The following CTNND2 variants were observed in gnomAD, a reference collection of about 807,000 sequenced individuals.
CTNND2 encodes catenin delta-2.
Under a neutral mutation model 144.4 loss-of-function variants are expected in CTNND2, and 22 were observed. The observed-to-expected ratio is 0.15, with a 90% confidence interval of 0.11 to 0.22. CTNND2 has a LOEUF of 0.22. Ranked by LOEUF, CTNND2 falls within the 10% of genes least tolerant of loss-of-function variation. The pLI, the probability that CTNND2 is intolerant of heterozygous loss-of-function variation, is 1.00. For synonymous variants in CTNND2, 751 were observed against 695.6 expected (o/e 1.08, Z -1.25); for missense variants, 1,353 against 1,618.8 (o/e 0.84, Z 2.82).
intron 1 of CTNND2, among the ~76,000 whole-genome samples, chr5:11,817,415 GAGAGAGAGAGAGAGA>G (rs1793033010): frequency 1.9e-3 from 1 of 532 alleles, no homozygotes; most frequent in African/African-American, 4.0e-3. Context: ...AGGAGGGAGA[GAGAGAGAGAGAGAGA>G]GAGAGAGAGA....
intron 2 of CTNND2, among the ~76,000 whole-genome samples, chr5:11,601,805 G>A (rs1779811135): frequency 1.3e-5 from 2 of 152,096 alleles, no homozygotes; most frequent in South Asian, 4.1e-4. Flanking sequence ...TATTTGGGAA[G>A]TTAAATTACC....
At chr5:11,081,072 T>TCACACACACACACA (rs55951127) in intron 16 of CTNND2, among the ~76,000 whole-genome samples, 4 of 144,980 alleles carry the variant, frequency 2.8e-5, no homozygotes, top group South Asian at 2.3e-4. Context: ...TGAGACCCTG[T>TCACACACACACACA]CACACACACA....
chr5:11,612,703 C>T (rs114716565), intron 2 of CTNND2, among the ~76,000 whole-genome samples: 1,970 of 151,956 alleles, frequency 0.013, 22 homozygotes, highest in Non-Finnish European at 0.02. Context: ...AGTTTGAGAC[C>T]GGCCTGGGCA....
intron 2 of CTNND2, among the ~76,000 whole-genome samples, chr5:11,587,494 G>A (rs1445874455): frequency 6.6e-6 from 1 of 151,832 alleles, no homozygotes; most frequent in Non-Finnish European, 1.5e-5. Context: ...CCATGGGTAG[G>A]CAATTAACAT....
intron 1 of CTNND2, among the ~76,000 whole-genome samples, chr5:11,778,939 T>C (rs1790398121): frequency 6.6e-6 from 1 of 152,262 alleles, no homozygotes; most frequent in Non-Finnish European, 1.5e-5. Flanking sequence ...TAAAAGTTTC[T>C]TTTAAAAATC....
chr5:11,308,576 T>C (rs780075784), intron 9 of CTNND2, among the ~76,000 whole-genome samples: 3 of 152,236 alleles, frequency 2.0e-5, no homozygotes, highest in African/African-American at 7.2e-5. Context: ...AATCACAAAC[T>C]CAAAATTAGT....
chr5:11,482,048 G>A (rs546578911), intron 3 of CTNND2, among the ~76,000 whole-genome samples: 33 of 152,262 alleles, frequency 2.2e-4, no homozygotes, highest in African/African-American at 6.7e-4. Flanking sequence ...TTAGGTCCAC[G>A]CCTTTGTACC....
chr5:11,535,444 AT>A (rs1197206167), intron 3 of CTNND2, among the ~76,000 whole-genome samples: 1 of 152,006 alleles, frequency 6.6e-6, no homozygotes, highest in Non-Finnish European at 1.5e-5. Context: ...TCCGTATATA[AT>A]TTTTTCCTAT....
At chr5:11,582,208 G>A (rs1778491945) in intron 2 of CTNND2, among the ~76,000 whole-genome samples, 1 of 152,206 alleles carries the variant, frequency 6.6e-6, no homozygotes, top group African/African-American at 2.4e-5. Context: ...AGGGATCATA[G>A]AATTGAAGCT....
At chr5:11,002,330 C>T (rs190336721) in intron 18 of CTNND2, among the ~76,000 whole-genome samples, 4 of 152,186 alleles carry the variant, frequency 2.6e-5, no homozygotes, top group African/African-American at 7.2e-5. Flanking sequence ...ATGAGAATGA[C>T]CCATGTGTTC....
chr5:11,420,382 C>A (rs747712122), intron 3 of CTNND2, among the ~76,000 whole-genome samples: 1 of 152,118 alleles, frequency 6.6e-6, no homozygotes, highest in Non-Finnish European at 1.5e-5. Flanking sequence ...GGAACAAAGA[C>A]CTTTATATTG....
chr5:11,883,311 C>T (rs1479046750), intron 1 of CTNND2, among the ~76,000 whole-genome samples: 1 of 152,092 alleles, frequency 6.6e-6, no homozygotes, highest in Non-Finnish European at 1.5e-5. Flanking sequence ...AGGTATTTCT[C>T]CTAATGCTAT....
chr5:11,228,341 C>G (rs997074564), intron 10 of CTNND2, among the ~76,000 whole-genome samples: 1 of 109,676 alleles, frequency 9.1e-6, no homozygotes, highest in Non-Finnish European at 1.7e-5. Flanking sequence ...GAGACTCTGT[C>G]TCTCTCTCTC....
chr5:11,139,551 A>G (rs2149732073), intron 12 of CTNND2, among the ~76,000 whole-genome samples: 1 of 152,316 alleles, frequency 6.6e-6, no homozygotes, highest in Non-Finnish European at 1.5e-5. Context: ...GAAAGGGAGA[A>G]AGAAAAACAA....
chr5:11,667,707 C>A (rs1783649960), intron 2 of CTNND2, among the ~76,000 whole-genome samples: 1 of 152,150 alleles, frequency 6.6e-6, no homozygotes, highest in South Asian at 2.1e-4. Context: ...TTCTCCCATT[C>A]TGTAGATTGT....
At chr5:11,854,308 C>G (rs573713119) in intron 1 of CTNND2, among the ~76,000 whole-genome samples, 5 of 152,308 alleles carry the variant, frequency 3.3e-5, no homozygotes, top group South Asian at 4.1e-4. Context: ...CACCATTTCT[C>G]CACTTTTATT....
intron 1 of CTNND2, among the ~76,000 whole-genome samples, chr5:11,843,953 A>G (rs1171938815): frequency 1.3e-5 from 2 of 152,204 alleles, no homozygotes; most frequent in African/African-American, 4.8e-5. Flanking sequence ...AAATATCAGT[A>G]GCCCAAAGTG....
intron 1 of CTNND2, among the ~76,000 whole-genome samples, chr5:11,774,755 C>A (rs184025372): frequency 6.6e-6 from 1 of 151,918 alleles, no homozygotes; most frequent in Non-Finnish European, 1.5e-5. Flanking sequence ...TTTATTAGTA[C>A]GATTTTCTTC....
chr5:11,552,616 T>C (rs994431278), intron 3 of CTNND2, among the ~76,000 whole-genome samples: 76 of 152,302 alleles, frequency 5.0e-4, no homozygotes, highest in African/African-American at 1.8e-3. Flanking sequence ...TCCAAATGAC[T>C]ACCTTAAAGG....
Sources: allele counts gnomAD v4.1 joint callset (sites outside exome capture counted in the v4.1 genomes callset), GRCh38; gene constraint gnomAD v4.1.1; transcripts MANE v1.5; gene names NCBI Gene and HGNC (gene_info 2026-07-23, HGNC 2026-07-21).